Variants in FAM168B observed in about 807,000 individuals in gnomAD.
FAM168B encodes family with sequence similarity 168 member B.
FAM168B carries 19 observed loss-of-function variants against 21.8 expected under a neutral mutation model. That is an observed-to-expected ratio of 0.87 (90% CI 0.61 to 1.28). The LOEUF is 1.28. Ranked by LOEUF, FAM168B falls within the 50% of genes most tolerant of loss-of-function variation. FAM168B has a pLI of 0.00. For missense variants in FAM168B, 233 were observed against 263.1 expected, an observed-to-expected ratio of 0.89 and a Z score of 0.79; for synonymous variants, 126 against 104.8, an observed-to-expected ratio of 1.20 and a Z score of -1.24.
intron 1 of FAM168B, among the ~76,000 whole-genome samples, chr2:131,090,011 G>A (rs1034766866): frequency 4.8e-5 from 7 of 146,130 alleles, no homozygotes; most frequent in South Asian, 2.2e-4. Context: ...CAGCCTGGGC[G>A]ACATGGACGC....
intron 2 of FAM168B, among the ~76,000 whole-genome samples, chr2:131,073,606 T>C (rs1185048984): frequency 6.6e-6 from 1 of 152,118 alleles, no homozygotes; most frequent in Non-Finnish European, 1.5e-5. Flanking sequence ...CCTTCCACCA[T>C]CCATCACAAG....
chr2:131,050,955 T>G lies in FAM168B; in HGVS notation c.*1510A>C. On this transcript the variant is annotated 3_prime_UTR_variant, in exon 7 of 7. Transcript: ENST00000389915. ...CTCTGACCCTCACTGAGAACCGACA[T>G]GCACTCTCATGGATACAGGACGGGC... The G allele has an allele frequency of 2.0e-6, 2 of 985,534 alleles. No homozygotes were observed. The highest frequency in any genetic ancestry group is 2.4e-6 in the Non-Finnish European group (2 of 830,046). The allele number at this position is 985,534 out of a possible 1,614,324, so 61.0% of individuals were successfully genotyped here.
intron 3 of FAM168B, among the ~76,000 whole-genome samples, chr2:131,061,201 T>C (rs1692278371): frequency 7.3e-6 from 1 of 136,728 alleles, no homozygotes; most frequent in South Asian, 2.7e-4. Context: ...ACGCCTGTCA[T>C]CCCAGCACTT....
At position 131,048,010 on chromosome 2, in the gene FAM168B, T is replaced by C. The variant is rs758635488; in HGVS notation, c.*4455A>G. The stretch of plus-strand genomic sequence containing the variant: ...GCATAAAAAATTAAAATAGTATCAA[T>C]TGACACCTAACTGAACTGGCTCAGG... On this transcript the variant is annotated 3_prime_UTR_variant, in exon 7 of 7. Transcript: ENST00000389915. The C allele has an allele frequency of 1.8e-4, 57 of 315,746 alleles. No individual in the cohort carries two copies. The Middle Eastern group carries it at 3.5e-3, about 19-fold the overall frequency. 19.6% of individuals were successfully genotyped at this position (315,746 alleles called of 1,614,324 possible). A position where few individuals can be genotyped will look rare whatever the true frequency, so the allele number is the denominator to read the frequency against.
chr2:131,090,417 G>A (rs894496333), intron 1 of FAM168B, among the ~76,000 whole-genome samples: 1 of 151,588 alleles, frequency 6.6e-6, no homozygotes, highest in African/African-American at 2.4e-5. Flanking sequence ...TCCACACAGA[G>A]CACTAAGTAT....
chr2:131,065,665 T>A (rs1432446610), intron 3 of FAM168B, among the ~76,000 whole-genome samples: 1 of 151,590 alleles, frequency 6.6e-6, no homozygotes, highest in Non-Finnish European at 1.5e-5. Context: ...GGAGAGCGCC[T>A]GTAATTCCAG....
In FAM168B at chr2:131,055,319, C is replaced by T; in HGVS notation, c.428G>A (p.Gly143Glu). The T allele has an allele frequency of 6.3e-7, 1 of 1,584,834 alleles. No individual in the cohort carries two copies. The highest frequency in any genetic ancestry group is 8.5e-7 in the Non-Finnish European group (1 of 1,170,746). ...CCCAGCCACCATGCCCATGGTGACCCCGTTGCCTCTAGGAGGGGGGATGGG... is the reference window on the plus strand; with the variant it reads ...CCCAGCCACCATGCCCATGGTGACCTCGTTGCCTCTAGGAGGGGGGATGGG... ...PAPIPPPRGN[G>E]VTMGMVAGTT... The change falls in exon 5 of 7, where the codon GGG becomes GAG. Residue 143 changes from glycine (G) to glutamate (E), a missense_variant. Coordinates refer to ENST00000389915, the MANE Select transcript of FAM168B (RefSeq NM_001009993.4).
At chr2:131,091,849 G>A (rs1694046700) in intron 1 of FAM168B, among the ~76,000 whole-genome samples, 1 of 151,622 alleles carries the variant, frequency 6.6e-6, no homozygotes, top group African/African-American at 2.4e-5. Flanking sequence ...ATTGTGCTCG[G>A]CCAGGCGCGG....
rs187441443 is a variant in FAM168B at position 131,048,964 on chromosome 2, G to C, written c.*3501C>G. 258 of 985,764 alleles carry C rather than the reference G, an allele frequency of 2.6e-4. 1 individual carries two copies. The Admixed American group carries it at 3.5e-3, about 13-fold the overall frequency. 61.1% of individuals were successfully genotyped at this position (985,764 alleles called of 1,614,324 possible). The stretch of plus-strand genomic sequence containing the variant: ...AAGGTGAAGGTGGCCCAACTGCTCA[G>C]AGTAACACTGTTCTCAAATGTTTAA... On this transcript the variant is annotated 3_prime_UTR_variant, in exon 7 of 7. Transcript: ENST00000389915.
chr2:131,076,524 G>T (rs556810762), intron 2 of FAM168B, among the ~76,000 whole-genome samples: 1 of 151,870 alleles, frequency 6.6e-6, no homozygotes, highest in Admixed American at 6.6e-5. Flanking sequence ...GCAGTGGCGG[G>T]CTCCTGTAGT....
chr2:131,070,689 G>A (rs1692828908), intron 3 of FAM168B, among the ~76,000 whole-genome samples: 2 of 152,038 alleles, frequency 1.3e-5, no homozygotes, highest in African/African-American at 4.8e-5. Flanking sequence ...GCAAACTGAA[G>A]TATTTATTTC....
Position 131,063,849 on chromosome 2 carries a change from CAG to C in FAM168B, c.154+8004_154+8005del, listed in dbSNP as rs1039147912. On this transcript the variant is annotated intron_variant, in intron 3 of 6. Coordinates refer to ENST00000389915, the MANE Select transcript of FAM168B (RefSeq NM_001009993.4). The stretch of plus-strand genomic sequence containing the variant: ...AAAAATTTTTTTAATTAAAAATAGA[CAG>C]TGTGTGCTTGCCACCTTTTTTTTTT... 1.1e-4 allele frequency among the ~76,000 whole-genome samples: 17 copies of C among 151,978 alleles called. 1 individual carries two copies. The highest frequency in any genetic ancestry group is 4.1e-4 in the African/African-American group (17 of 41,398).
At chr2:131,058,589 T>C (rs1195844322) in intron 3 of FAM168B, among the ~76,000 whole-genome samples, 6 of 152,214 alleles carry the variant, frequency 3.9e-5, no homozygotes, top group African/African-American at 1.4e-4. Flanking sequence ...CTCACCGCTA[T>C]GTTAACCGTA....
chr2:131,061,152 A>C (rs1367694687), intron 3 of FAM168B, among the ~76,000 whole-genome samples: 3 of 139,114 alleles, frequency 2.2e-5, no homozygotes, highest in African/African-American at 5.2e-5. Context: ...CGCCTGGCCC[A>C]ATTTTTTTAA....
intron 3 of FAM168B, among the ~76,000 whole-genome samples, chr2:131,069,984 T>C (rs1302952670): frequency 2.0e-5 from 3 of 151,560 alleles, no homozygotes; most frequent in African/African-American, 7.3e-5. Flanking sequence ...TCAGCCTCCC[T>C]AGTAGCCGGG....
chr2:131,084,424 T>A (rs554268268), intron 1 of FAM168B, among the ~76,000 whole-genome samples: 104 of 152,170 alleles, frequency 6.8e-4, no homozygotes, highest in African/African-American at 2.5e-3. Flanking sequence ...GGTTTCAGAC[T>A]GCTGGGCTCA....
At chr2:131,081,087 C>T (rs1693411998) in intron 2 of FAM168B, among the ~76,000 whole-genome samples, 1 of 152,144 alleles carries the variant, frequency 6.6e-6, no homozygotes, top group African/African-American at 2.4e-5. Context: ...CTCTCTTAAC[C>T]AGTGTCTTGT....
intron 2 of FAM168B, among the ~76,000 whole-genome samples, chr2:131,074,019 A>AG (rs569117928): frequency 6.6e-6 from 1 of 152,234 alleles, no homozygotes; most frequent in Non-Finnish European, 1.5e-5. Context: ...CAACCAACAG[A>AG]GGGGGCCTCA....
At chr2:131,053,055 T>G in intron 5 of FAM168B, 40 bp from the exon 6 acceptor site, 1 of 1,526,888 alleles carries the variant, frequency 6.5e-7, no homozygotes, top group Non-Finnish European at 8.8e-7. Context: ...GCTGACCTCC[T>G]GCACAGCTCC....
Sources: gnomAD v4.1 joint callset for allele counts (sites outside exome capture counted in the v4.1 genomes callset) on GRCh38, gnomAD v4.1.1 for gene constraint, MANE v1.5 for transcripts, NCBI Gene and HGNC (gene_info 2026-07-23, HGNC 2026-07-21) for gene names.